The following SCLT1 variants were observed in gnomAD, a reference collection of about 807,000 sequenced individuals.
SCLT1 encodes sodium channel and clathrin linker 1.
SCLT1 carries 78 observed loss-of-function variants against 112.8 expected under a neutral mutation model. That is an observed-to-expected ratio of 0.69 (90% CI 0.58 to 0.83). SCLT1 has a LOEUF of 0.83. Ranked by LOEUF, SCLT1 falls within the 40% of genes least tolerant of loss-of-function variation. The probability of loss-of-function intolerance (pLI) is 0.00; values close to 1 mark genes in which losing one functional copy is unlikely to be tolerated. For missense variants in SCLT1, 747 were observed against 770.4 expected (o/e 0.97, Z 0.36); for synonymous variants, 257 against 254.7 (o/e 1.01, Z -0.09).
intron 5 of SCLT1, chr4:128,873,294 AAAAAG>A (rs1224440303): frequency 6.6e-6 from 1 of 151,956 alleles, no homozygotes; most frequent in Non-Finnish European, 1.5e-5. Context: ...AAAAAAAAGA[AAAAAG>A]AAAAAAAGAG....
Position 128,890,999 on chromosome 4 carries a change from T to A in SCLT1, c.1908+60A>T, listed in dbSNP as rs575446045. On this transcript the variant is annotated intron_variant, in intron 19 of 20. Transcript: ENST00000281142. ...AATTTGGATTTGGCTCAGGTAAAAT[T>A]CTATAACATGTGTATCATGCTGCAG... The A allele has an allele frequency of 1.3e-5, 16 of 1,216,798 alleles. No individual in the cohort carries two copies. In the Admixed American group the frequency reaches 2.6e-4, roughly 20 times the overall value. 75.4% of individuals were successfully genotyped at this position (1,216,798 alleles called of 1,614,324 possible).
At chr4:128,908,042 G>A (rs1405857179) in intron 18 of SCLT1, among the ~76,000 whole-genome samples, 2 of 152,216 alleles carry the variant, frequency 1.3e-5, no homozygotes, top group African/African-American at 4.8e-5. Context: ...AGGTAAGGAT[G>A]AGCCATGTAG....
chr4:129,015,333 G>A (rs1001833817), intron 5 of SCLT1, among the ~76,000 whole-genome samples: 3 of 152,096 alleles, frequency 2.0e-5, no homozygotes, highest in Non-Finnish European at 4.4e-5. Context: ...ATCTCTGCAA[G>A]TCAGGCACGG....
chr4:128,994,400 T>C (rs1742831273), intron 8 of SCLT1, among the ~76,000 whole-genome samples: 1 of 152,204 alleles, frequency 6.6e-6, no homozygotes, highest in African/African-American at 2.4e-5. Context: ...TTATACATTT[T>C]AATCCACTCC....
At chr4:129,088,748 G>A (rs984013232) in intron 1 of SCLT1, among the ~76,000 whole-genome samples, 1 of 152,082 alleles carries the variant, frequency 6.6e-6, no homozygotes, top group Non-Finnish European at 1.5e-5. Context: ...AACAAGCAAT[G>A]GGGAAAAGAT....
chr4:128,880,330 T>C (rs1398920597), downstream of SCLT1, among the ~76,000 whole-genome samples: 2 of 152,272 alleles, frequency 1.3e-5, no homozygotes, highest in Non-Finnish European at 2.9e-5. Flanking sequence ...TTTCAATGGT[T>C]CGAATGAAAA....
intron 2 of SCLT1, among the ~76,000 whole-genome samples, chr4:129,065,938 C>A (rs1750446452): frequency 6.6e-6 from 1 of 151,880 alleles, no homozygotes; most frequent in Admixed American, 6.6e-5. Context: ...ACAAGCTATG[C>A]ATATATGCAA....
intron 20 of SCLT1, among the ~76,000 whole-genome samples, chr4:128,885,320 A>G (rs763354929): frequency 1.4e-4 from 22 of 152,194 alleles, no homozygotes; most frequent in Non-Finnish European, 2.6e-4. Context: ...CTTTCATTCC[A>G]TAGACCCCTC....
chr4:128,982,882 T>A (rs1393942533), intron 9 of SCLT1, among the ~76,000 whole-genome samples: 1 of 151,976 alleles, frequency 6.6e-6, no homozygotes, highest in African/African-American at 2.4e-5. Flanking sequence ...AATGCTTTAC[T>A]TAGTCTTTTT....
intron 13 of SCLT1, 152 bp downstream of exon 13, chr4:128,956,874 T>A (rs1022867100): frequency 2.0e-6 from 1 of 497,422 alleles, no homozygotes; most frequent in Non-Finnish European, 3.5e-6. Context: ...TTCCTTTAGT[T>A]AGTTTTTAAA....
chr4:129,093,196 G>C lies in SCLT1; in HGVS notation c.-93C>G. On this transcript the variant is annotated 5_prime_UTR_variant, in exon 1 of 21. Transcript: ENST00000281142. ...TGCGGGAAAACAAAACTAAGCCAAC[G>C]CTCGGTTGGTTGTCAAGCGCTCCAG... The C allele has an allele frequency of 8.2e-7, 1 of 1,222,124 alleles. No homozygotes were observed. The highest frequency in any genetic ancestry group is 1.9e-4 in the Middle Eastern group (1 of 5,314). The allele number at this position is 1,222,124 out of a possible 1,614,324, so 75.7% of individuals were successfully genotyped here. A position where few individuals can be genotyped will look rare whatever the true frequency, so the allele number is the denominator to read the frequency against.
chr4:129,078,372 T>C (rs1451106835), intron 2 of SCLT1, among the ~76,000 whole-genome samples: 10 of 152,172 alleles, frequency 6.6e-5, no homozygotes, highest in Non-Finnish European at 2.9e-5. Flanking sequence ...GCCAGAGTCA[T>C]CTGGGGCTTT....
Position 128,953,798 on chromosome 4 carries a change from CA to C in SCLT1, c.1147-959del, listed in dbSNP as rs1234272239. 1.0e-2 allele frequency among the ~76,000 whole-genome samples: 840 copies of C among 84,224 alleles called. 3 individuals carry two copies. Among genetic ancestry groups the C allele is most frequent in the Admixed American group, 0.032 (251 of 7,894 alleles). 55.3% of individuals were successfully genotyped at this position (84,224 alleles called of 152,430 possible). ...TGGGCAACAGAGTGAGACTCCATCTCAAAAAAAAAAAACAAAAAAACAAAAA... is the reference window on the plus strand; with the variant it reads ...TGGGCAACAGAGTGAGACTCCATCTCAAAAAAAAAAACAAAAAAACAAAAA... On this transcript the variant is annotated intron_variant, in intron 13 of 20. Transcript: ENST00000281142.
intron 18 of SCLT1, among the ~76,000 whole-genome samples, chr4:128,921,751 T>C (rs953225136): frequency 1.3e-5 from 2 of 152,112 alleles, no homozygotes; most frequent in African/African-American, 4.8e-5. Context: ...GATTTTATGA[T>C]GAAGACTCCA....
At chr4:129,042,783 G>T (rs979485232) in intron 4 of SCLT1, among the ~76,000 whole-genome samples, 1 of 152,034 alleles carries the variant, frequency 6.6e-6, no homozygotes, top group Non-Finnish European at 1.5e-5. Context: ...TGAGTAGCTA[G>T]GACCACAGGT....
At chr4:128,988,011 A>G (rs1383140394) in intron 9 of SCLT1, among the ~76,000 whole-genome samples, 1 of 152,198 alleles carries the variant, frequency 6.6e-6, no homozygotes, top group Non-Finnish European at 1.5e-5. Flanking sequence ...TTTCACAGAA[A>G]AAAAAAAGCT....
At chr4:128,913,563 T>A (rs969099057) in intron 18 of SCLT1, among the ~76,000 whole-genome samples, 1 of 152,160 alleles carries the variant, frequency 6.6e-6, no homozygotes, top group Non-Finnish European at 1.5e-5. Context: ...CAACCCAGAA[T>A]GGCTGTGTGT....
At chr4:129,021,396 G>A (rs969081403) in intron 5 of SCLT1, among the ~76,000 whole-genome samples, 5 of 152,154 alleles carry the variant, frequency 3.3e-5, no homozygotes, top group African/African-American at 9.7e-5. Flanking sequence ...GGTCTTGCTC[G>A]GCGGGTCCAA....
rs1748809156 is a variant in SCLT1, at chr4:129,051,692, C to G, written c.103-7641G>C. 1.3e-5 allele frequency among the ~76,000 whole-genome samples: 2 copies of G among 152,190 alleles called. 1 individual carries two copies. Among genetic ancestry groups the G allele is most frequent in the Non-Finnish European group, 2.9e-5 (2 of 68,038 alleles). On this transcript the variant is annotated intron_variant, in intron 2 of 20. Transcript: ENST00000281142. ...CCAAACAGAGACAATATGACTTCCT[C>G]TTTTCCTAATTGAACATCCTTTCTT...
Sources: gnomAD v4.1 joint callset for allele counts (sites outside exome capture counted in the v4.1 genomes callset) on GRCh38, gnomAD v4.1.1 for gene constraint, MANE v1.5 for transcripts, NCBI Gene and HGNC (gene_info 2026-07-23, HGNC 2026-07-21) for gene names.